OCA2: variants seen among roughly 807,000 people sequenced by gnomAD.
OCA2 encodes the protein OCA2 melanosomal transmembrane protein, also known as P protein.
In OCA2, 77 loss-of-function variants were observed where a neutral mutation model predicts 100.2. That is an observed-to-expected ratio of 0.77 (90% CI 0.64 to 0.93). The LOEUF is 0.93. Among genes scored for constraint, OCA2 ranks in the 40% least tolerant of loss-of-function variants. The pLI is 0.00. For synonymous variants in OCA2, 432 were observed against 439.2 expected (o/e 0.98, Z 0.21); for missense variants, 1,062 against 1,089.1 (o/e 0.98, Z 0.35).
intron 19 of OCA2, among the ~76,000 whole-genome samples, chr15:27,873,957 T>C (rs2036686669): frequency 6.6e-6 from 1 of 152,204 alleles, no homozygotes; most frequent in Non-Finnish European, 1.5e-5. Flanking sequence ...TTCATCAGCT[T>C]ATACAGTGAA....
At chr15:27,886,342 A>T (rs2037222275) in intron 19 of OCA2, among the ~76,000 whole-genome samples, 1 of 152,222 alleles carries the variant, frequency 6.6e-6, no homozygotes, top group South Asian at 2.1e-4. Flanking sequence ...AAGGAAAAAG[A>T]GGAAGCAGTG....
intron 2 of OCA2, among the ~76,000 whole-genome samples, chr15:28,061,885 T>C (rs1280583080): frequency 6.6e-6 from 1 of 152,220 alleles, no homozygotes; most frequent in African/African-American, 2.4e-5. Context: ...ATCCAAGTGG[T>C]AGCACATATC....
intron 18 of OCA2, among the ~76,000 whole-genome samples, chr15:27,937,607 A>G (rs1022103030): frequency 1.1e-4 from 16 of 152,214 alleles, no homozygotes; most frequent in African/African-American, 2.7e-4. Flanking sequence ...GTGTGCATAT[A>G]ATGGCATCTC....
rs947159548 is a variant in OCA2 at position 28,043,844 on chromosome 15, T to C, written c.228-11681A>G. Reference sequence around the variant, plus strand: ...TATACTCCTCCCAAAACAAACCAGATGGGCTATGCTTTTCAAGGAAGAAAG... The same window carrying C: ...TATACTCCTCCCAAAACAAACCAGACGGGCTATGCTTTTCAAGGAAGAAAG... On this transcript the variant is annotated intron_variant, in intron 2 of 23. Coordinates refer to ENST00000354638, the MANE Select transcript of OCA2 (RefSeq NM_000275.3). The surrounding 1 kb of genome is among the most constrained non-coding windows in gnomAD (Gnocchi z 4.4). 5.3e-5 allele frequency among the ~76,000 whole-genome samples: 8 copies of C among 152,184 alleles called. No individual in the cohort carries two copies. The highest frequency in any genetic ancestry group is 3.2e-3 in the Middle Eastern group (1 of 314).
At chr15:27,732,965 G>C in the OCA2 span, among the ~76,000 whole-genome samples, 2 of 152,088 alleles carry the variant, frequency 1.3e-5, no homozygotes, top group Non-Finnish European at 2.9e-5. Flanking sequence ...ACAGAAAATT[G>C]CGGCAAAGGA....
At chr15:27,975,373 T>C (rs925565594) in intron 14 of OCA2, among the ~76,000 whole-genome samples, 3 of 152,244 alleles carry the variant, frequency 2.0e-5, no homozygotes, top group Non-Finnish European at 4.4e-5. Context: ...TTTTTCTACC[T>C]ATTCTACTAC....
intron 19 of OCA2, among the ~76,000 whole-genome samples, chr15:27,924,610 T>C (rs2038980555): frequency 1.3e-5 from 2 of 152,158 alleles, no homozygotes; most frequent in South Asian, 4.1e-4. Context: ...GCACAGATCA[T>C]ATTAAACTAA....
At chr15:27,947,015 C>T (rs1257309245) in intron 18 of OCA2, among the ~76,000 whole-genome samples, 1 of 152,222 alleles carries the variant, frequency 6.6e-6, no homozygotes, top group African/African-American at 2.4e-5. Flanking sequence ...CTGGGTTTCC[C>T]ACTCAGTCTA....
chr15:27,966,382 T>C (rs2040566489), intron 15 of OCA2, among the ~76,000 whole-genome samples: 2 of 152,252 alleles, frequency 1.3e-5, no homozygotes, highest in South Asian at 4.1e-4. Flanking sequence ...ATTAGAGCAC[T>C]GCAGTCTATA....
At chr15:28,066,790 G>A (rs912050890) in intron 2 of OCA2, among the ~76,000 whole-genome samples, 4 of 152,054 alleles carry the variant, frequency 2.6e-5, no homozygotes, top group African/African-American at 9.7e-5. Flanking sequence ...GCATCTAAAG[G>A]TGGCCACCTA....
chr15:27,943,808 G>T (rs2039736640), intron 18 of OCA2, among the ~76,000 whole-genome samples: 1 of 151,630 alleles, frequency 6.6e-6, no homozygotes, highest in South Asian at 2.1e-4. Context: ...ATCCACCTAT[G>T]ACCTGGAAGC....
chr15:27,980,839 G>C (rs2041137486), intron 14 of OCA2, among the ~76,000 whole-genome samples: 3 of 152,110 alleles, frequency 2.0e-5, no homozygotes, highest in Non-Finnish European at 2.9e-5. Context: ...ATTTGATTAT[G>C]ATGTGTCTTA....
intron 23 of OCA2, among the ~76,000 whole-genome samples, chr15:27,836,021 C>A (rs999694490): frequency 2.0e-5 from 3 of 152,202 alleles, no homozygotes; most frequent in Non-Finnish European, 4.4e-5. Flanking sequence ...GTATTTACGG[C>A]TCTCGTGGCT....
intron 1 of OCA2, among the ~76,000 whole-genome samples, chr15:28,098,517 C>T (rs960271521): frequency 7.2e-5 from 11 of 152,224 alleles, no homozygotes; most frequent in African/African-American, 1.7e-4. Flanking sequence ...CCTAAATCTA[C>T]ACATTGTAGA....
At chr15:28,025,402 CTTAA>C (rs1037478371) in intron 4 of OCA2, among the ~76,000 whole-genome samples, 4 of 152,206 alleles carry the variant, frequency 2.6e-5, no homozygotes, top group Non-Finnish European at 5.9e-5. Flanking sequence ...TAGGCGATAA[CTTAA>C]TTAACCATCA....
chr15:27,751,819 C>T (rs1012686949), downstream of OCA2, among the ~76,000 whole-genome samples: 1 of 152,196 alleles, frequency 6.6e-6, no homozygotes, highest in African/African-American at 2.4e-5. Context: ...TACTAGTCTT[C>T]TCTAGAAAAG....
intron 2 of OCA2, among the ~76,000 whole-genome samples, chr15:28,065,471 G>A (rs1053992920): frequency 6.6e-6 from 1 of 152,054 alleles, no homozygotes; most frequent in Non-Finnish European, 1.5e-5. Context: ...TTCTGAGTTA[G>A]GCAAAACAGA....
At chr15:28,048,193 TC>T (rs2043400189) in intron 2 of OCA2, among the ~76,000 whole-genome samples, 1 of 152,186 alleles carries the variant, frequency 6.6e-6, no homozygotes, top group African/African-American at 2.4e-5. Flanking sequence ...TTTAATACTA[TC>T]CAAAGTGATT....
At chr15:27,766,176 G>T (rs1052300462) in intron 23 of OCA2, among the ~76,000 whole-genome samples, 1 of 152,146 alleles carries the variant, frequency 6.6e-6, no homozygotes. Context: ...AAAGTAAAAG[G>T]AAACAGATGA....
Sources: gnomAD v4.1 joint callset for allele counts (sites outside exome capture counted in the v4.1 genomes callset) on GRCh38, gnomAD v4.1.1 for gene constraint, Gnocchi (gnomAD v3.1) non-coding constraint, MANE v1.5 for transcripts, NCBI Gene and HGNC (gene_info 2026-07-23, HGNC 2026-07-21) for gene names.